AGAP1: variants seen among roughly 807,000 people sequenced by gnomAD.
The protein encoded by AGAP1 is arf-GAP with GTPase, ANK repeat and PH domain-containing protein 1.
In AGAP1, 29 loss-of-function variants were observed where a neutral mutation model predicts 105.3. The observed-to-expected ratio is 0.28, with a 90% CI of 0.21 to 0.38. AGAP1 has a LOEUF of 0.38. Among genes scored for constraint, AGAP1 ranks in the 10% least tolerant of loss-of-function variants. The pLI is 1.00. For synonymous variants in AGAP1, 509 were observed against 485.9 expected, an observed-to-expected ratio of 1.05 and a Z score of -0.63; for missense variants, 998 against 1,165.1, an observed-to-expected ratio of 0.86 and a Z score of 2.09.
intron 1 of AGAP1, among the ~76,000 whole-genome samples, chr2:235,704,688 G>T (rs952317813): frequency 1.3e-5 from 2 of 152,196 alleles, no homozygotes; most frequent in African/African-American, 4.8e-5. Flanking sequence ...CCAGAGTCCC[G>T]GCTGATGCTC....
intron 9 of AGAP1, among the ~76,000 whole-genome samples, chr2:235,834,955 C>T (rs1008864101): frequency 1.3e-5 from 2 of 152,158 alleles, no homozygotes; most frequent in Non-Finnish European, 2.9e-5. Flanking sequence ...GCTAACATCA[C>T]GAGAACATGT....
In AGAP1 at chr2:235,660,614, A is replaced by G. The variant is rs559250626; in HGVS notation, c.164-48565A>G. 6.6e-6 allele frequency among the ~76,000 whole-genome samples: 1 copy of G among 152,198 alleles called. No homozygotes were observed. The highest frequency in any genetic ancestry group is 2.4e-5 in the African/African-American group (1 of 41,526). ...TTGGGGACTCCTGAGTCCAGCTCCC[A>G]GTGATGTGTAGAGTTGAGCTCCATC... is the stretch of plus-strand genomic sequence containing the variant. On this transcript the variant is annotated intron_variant, in intron 1 of 17. Coordinates refer to ENST00000304032, the MANE Select transcript of AGAP1 (RefSeq NM_001037131.3). The surrounding 1 kb of genome is among the most constrained non-coding windows in gnomAD (Gnocchi z 5.3).
At chr2:235,822,300 G>A (rs1374207188) in intron 9 of AGAP1, among the ~76,000 whole-genome samples, 5 of 152,196 alleles carry the variant, frequency 3.3e-5, no homozygotes, top group Non-Finnish European at 7.3e-5. Flanking sequence ...TGGAGGGAAG[G>A]AGTAAATGAG....
At chr2:235,523,713 G>A (rs1472354907) in intron 1 of AGAP1, among the ~76,000 whole-genome samples, 1 of 152,202 alleles carries the variant, frequency 6.6e-6, no homozygotes, top group Admixed American at 6.5e-5. Flanking sequence ...GGCGGGGGGT[G>A]GTGGCCAGTG....
chr2:235,650,774 C>G (rs1947556642), intron 1 of AGAP1, among the ~76,000 whole-genome samples: 2 of 152,138 alleles, frequency 1.3e-5, no homozygotes, highest in South Asian at 4.1e-4. Flanking sequence ...AAGTAAAACT[C>G]TAGAAAGACT....
intron 3 of AGAP1, among the ~76,000 whole-genome samples, chr2:235,735,947 C>T (rs1952222392): frequency 6.6e-6 from 1 of 152,022 alleles, no homozygotes; most frequent in Admixed American, 6.6e-5. Flanking sequence ...GCTTCAAACT[C>T]AGTGCAGAAA....
intron 8 of AGAP1, among the ~76,000 whole-genome samples, chr2:235,804,574 G>C (rs751400338): frequency 1.3e-5 from 2 of 152,236 alleles, no homozygotes; most frequent in Non-Finnish European, 2.9e-5. Context: ...GAGGGCTCTT[G>C]GCAATGATGC....
chr2:235,945,820 C>CGGG (rs151198823), intron 12 of AGAP1, among the ~76,000 whole-genome samples: 7 of 137,276 alleles, frequency 5.1e-5, no homozygotes, highest in African/African-American at 1.8e-4. Context: ...GCTTGGCTTC[C>CGGG]GGGGGGGTGC....
rs1453038158 is a variant in AGAP1, at chr2:235,701,652, TCCTACCATTGAAA to T, written c.164-7525_164-7513del. Among the ~76,000 whole-genome samples, 4 of 152,344 alleles carry T rather than the reference TCCTACCATTGAAA, an allele frequency of 2.6e-5. No homozygotes were observed. Among genetic ancestry groups the T allele is most frequent in the African/African-American group, 9.6e-5 (4 of 41,588 alleles). On this transcript the variant is annotated intron_variant, in intron 1 of 17. Transcript: ENST00000304032. The surrounding 1 kb of genome is among the most constrained non-coding windows in gnomAD (Gnocchi z 4.1). ...AAGGATTTCCAAATAAGAAATTAAA[TCCTACCATTGAAA>T]CTGTGCTGGTGAACTTCTGCTAAGT... is the stretch of plus-strand genomic sequence containing the variant.
In AGAP1 at chr2:235,977,265, G is replaced by A. The variant is rs1439050835; in HGVS notation, c.1645+8642G>A. Among the ~76,000 whole-genome samples the A allele has an allele frequency of 6.6e-6, 1 of 151,978 alleles. No homozygotes were observed. Among genetic ancestry groups the A allele is most frequent in the South Asian group, 2.1e-4 (1 of 4,786 alleles). ...GGATCTGTCTTGAAGTCATTTTCTT[G>A]ATGGTCTCAAAATGTTTGAGCTCTG... On this transcript the variant is annotated intron_variant, in intron 13 of 17. Transcript: ENST00000304032. The surrounding 1 kb of genome is among the most constrained non-coding windows in gnomAD (Gnocchi z 5.2).
chr2:236,099,819 C>T (rs2059301670), intron 16 of AGAP1, among the ~76,000 whole-genome samples: 1 of 152,142 alleles, frequency 6.6e-6, no homozygotes, highest in Admixed American at 6.5e-5. Flanking sequence ...ACAGGTGGAT[C>T]ACCTGAGGTC....
chr2:235,758,637 G>C (rs1954137703), intron 6 of AGAP1, among the ~76,000 whole-genome samples: 1 of 152,232 alleles, frequency 6.6e-6, no homozygotes, highest in African/African-American at 2.4e-5. Flanking sequence ...TCATTAAGGG[G>C]GTTCATATTT....
chr2:235,522,973 A>G (rs1435129905), intron 1 of AGAP1, among the ~76,000 whole-genome samples: 1 of 152,156 alleles, frequency 6.6e-6, no homozygotes, highest in Non-Finnish European at 1.5e-5. Flanking sequence ...TACTGTAGCA[A>G]AACACCTAAG....
At chr2:236,031,790 A>C (rs1026352969) in intron 13 of AGAP1, among the ~76,000 whole-genome samples, 26 of 152,146 alleles carry the variant, frequency 1.7e-4, no homozygotes, top group African/African-American at 4.8e-4. Flanking sequence ...ATCAGACAGA[A>C]GTTCCCTGTG....
chr2:235,807,389 T>C, intron 9 of AGAP1, 58 bp downstream of exon 9: 2 of 1,476,626 alleles, frequency 1.4e-6, no homozygotes, highest in Non-Finnish European at 1.8e-6. Flanking sequence ...CAGGTCTTCC[T>C]GGAGATGATG....
In AGAP1 at chr2:235,959,458, G is replaced by A. The variant is rs1306279722; in HGVS notation, c.1484-9004G>A. 2.0e-5 allele frequency among the ~76,000 whole-genome samples: 3 copies of A among 152,146 alleles called. No homozygotes were observed. The East Asian group carries it at 5.8e-4, about 29-fold the overall frequency. ...GCGAGCTCTCGACACCTAGAAGCCA[G>A]GGGCATTCATATTCCCGTGGCCGAG... On this transcript the variant is annotated intron_variant, in intron 12 of 17. Coordinates refer to ENST00000304032, the MANE Select transcript of AGAP1 (RefSeq NM_001037131.3). This position sits in a 1 kb window ranked among gnomAD's most constrained non-coding sequence, Gnocchi z 7.3.
chr2:235,561,274 A>C (rs1275286857), intron 1 of AGAP1, among the ~76,000 whole-genome samples: 1 of 152,132 alleles, frequency 6.6e-6, no homozygotes, highest in African/African-American at 2.4e-5. Flanking sequence ...CTCCAATTTT[A>C]AACTGCCCAC....
chr2:236,076,750 T>C lies in AGAP1; in HGVS notation c.2114+27469T>C, dbSNP rs1032035206. On this transcript the variant is annotated intron_variant, in intron 16 of 17. Coordinates refer to ENST00000304032, the MANE Select transcript of AGAP1 (RefSeq NM_001037131.3). This position sits in a 1 kb window ranked among gnomAD's most constrained non-coding sequence, Gnocchi z 4.4. ...ATGAGCATACCTGGCAACAGACCAC[T>C]TCCTAGAGAAATGCCTCCAGTGAGC... Among the ~76,000 whole-genome samples the C allele has an allele frequency of 2.0e-5, 3 of 152,216 alleles. No homozygotes were observed. The highest frequency in any genetic ancestry group is 7.2e-5 in the African/African-American group (3 of 41,536).
intron 1 of AGAP1, among the ~76,000 whole-genome samples, chr2:235,522,202 G>T (rs6731720): frequency 0.82 from 125,095 of 152,134 alleles, 51,614 homozygotes; most frequent in Middle Eastern, 0.93. Context: ...CCCGACCTGG[G>T]CCAGGCTCTG....
Sources: allele counts gnomAD v4.1 joint callset (sites outside exome capture counted in the v4.1 genomes callset), GRCh38; gene constraint gnomAD v4.1.1; non-coding constraint Gnocchi (gnomAD v3.1); transcripts MANE v1.5; gene names NCBI Gene and HGNC (gene_info 2026-07-23, HGNC 2026-07-21).